The following PLPP3 variants were observed in gnomAD, a reference collection of about 807,000 sequenced individuals.
The protein encoded by PLPP3 is PAP2 beta.
In PLPP3, 6 loss-of-function variants were observed where a neutral mutation model predicts 29.6. That is an observed-to-expected ratio of 0.20 (90% CI 0.11 to 0.40). PLPP3 has a LOEUF of 0.40. Ranked by LOEUF, PLPP3 falls within the 10% of genes least tolerant of loss-of-function variation. The pLI, the probability that PLPP3 is intolerant of heterozygous loss-of-function variation, is 1.00. For missense variants in PLPP3, 308 were observed against 407.7 expected (o/e 0.76, Z 2.11); for synonymous variants, 152 against 159.7 (o/e 0.95, Z 0.36).
chr1:56,571,774 T>C lies in PLPP3; in HGVS notation c.139+7104A>G, dbSNP rs1557517779. Among the ~76,000 whole-genome samples the C allele has an allele frequency of 2.1e-5, 3 of 141,562 alleles. No individual in the cohort carries two copies. The South Asian group carries it at 6.2e-4, about 29-fold the overall frequency. 92.9% of individuals were successfully genotyped at this position (141,562 alleles called of 152,430 possible). A position where few individuals can be genotyped will look rare whatever the true frequency, so the allele number is the denominator to read the frequency against. On this transcript the variant is annotated intron_variant, in intron 1 of 5. Transcript: ENST00000371250. ...ACTGCTTTGATTGCATTAATTGCAA[T>C]CAATTAATTGCAAATTGAAAAGTGG... is the stretch of plus-strand genomic sequence containing the variant.
chr1:56,573,336 T>G (rs1469740725), intron 1 of PLPP3, among the ~76,000 whole-genome samples: 1 of 152,186 alleles, frequency 6.6e-6, no homozygotes, highest in Non-Finnish European at 1.5e-5. Context: ...TCGGAAGAAT[T>G]CTTGCAAACT....
chr1:56,516,719 G>A (rs1027188262), intron 4 of PLPP3, among the ~76,000 whole-genome samples: 4 of 150,356 alleles, frequency 2.7e-5, no homozygotes, highest in African/African-American at 4.9e-5. Flanking sequence ...TCTCTGCTAC[G>A]TACAGCTTGT....
At chr1:56,521,217 A>G (rs1645817112) in intron 4 of PLPP3, among the ~76,000 whole-genome samples, 1 of 144,944 alleles carries the variant, frequency 6.9e-6, no homozygotes, top group African/African-American at 2.5e-5. Flanking sequence ...CCTGAGTGAC[A>G]GAATGAGACT....
chr1:56,574,780 T>C (rs1043366926), intron 1 of PLPP3, among the ~76,000 whole-genome samples: 8 of 152,220 alleles, frequency 5.3e-5, no homozygotes, highest in Non-Finnish European at 1.2e-4. Context: ...AATTCTTTGG[T>C]CATACATATA....
intron 1 of PLPP3, among the ~76,000 whole-genome samples, chr1:56,547,255 A>T (rs948917305): frequency 6.6e-6 from 1 of 152,212 alleles, no homozygotes; most frequent in Admixed American, 6.5e-5. Flanking sequence ...TGTCCCTGAT[A>T]CAAGGAAGAA....
chr1:56,524,013 A>G lies in PLPP3; in HGVS notation c.576-133T>C. The stretch of plus-strand genomic sequence containing the variant: ...CCCTGTTCATTTTTGCATCCTTGGT[A>G]GTGCTTTGGACCCATGCCTGGAACA... On this transcript the variant is annotated intron_variant, in intron 3 of 5. Coordinates refer to ENST00000371250, the MANE Select transcript of PLPP3 (RefSeq NM_003713.5). This position sits in a 1 kb window ranked among gnomAD's most constrained non-coding sequence, Gnocchi z 4.3. The G allele has an allele frequency of 5.5e-6, 6 of 1,087,202 alleles. No homozygotes were observed. The highest frequency in any genetic ancestry group is 8.1e-6 in the Non-Finnish European group (6 of 744,392). The allele number at this position is 1,087,202 out of a possible 1,614,324, so 67.3% of individuals were successfully genotyped here.
chr1:56,577,617 G>A (rs1646244723), intron 1 of PLPP3, among the ~76,000 whole-genome samples: 1 of 152,194 alleles, frequency 6.6e-6, no homozygotes, highest in African/African-American at 2.4e-5. Flanking sequence ...TCTCTGGTCT[G>A]CAAAATCTGC....
chr1:56,537,709 T>C (rs1294591708), intron 1 of PLPP3, among the ~76,000 whole-genome samples: 1 of 151,546 alleles, frequency 6.6e-6, no homozygotes, highest in Non-Finnish European at 1.5e-5. Flanking sequence ...TCTAGCACAG[T>C]GCCTGGCACA....
At chr1:56,556,188 G>A (rs908909452) in intron 1 of PLPP3, among the ~76,000 whole-genome samples, 1 of 152,194 alleles carries the variant, frequency 6.6e-6, no homozygotes, top group Non-Finnish European at 1.5e-5. Flanking sequence ...GCACCTTAGA[G>A]TATGAAGTTA....
intron 1 of PLPP3, among the ~76,000 whole-genome samples, chr1:56,550,991 G>A (rs1646034351): frequency 6.6e-6 from 1 of 152,150 alleles, no homozygotes; most frequent in Non-Finnish European, 1.5e-5. Flanking sequence ...GAATACTTGA[G>A]TGTGGCTTTG....
chr1:56,568,404 C>G (rs1646175818), intron 1 of PLPP3, among the ~76,000 whole-genome samples: 1 of 152,084 alleles, frequency 6.6e-6, no homozygotes, highest in Non-Finnish European at 1.5e-5. Context: ...GATTTATAGC[C>G]CACTTATTTT....
rs1646257966 is a variant in PLPP3 at position 56,578,968 on chromosome 1, CGTTCTT to C, written c.43_48del (p.Lys15_Asn16del). On this transcript the variant is annotated inframe_deletion, in exon 1 of 6. Transcript: ENST00000371250. The stretch of plus-strand genomic sequence containing the variant: ...TTGTTGTTGAGCGCCGGGCTGCCGC[CGTTCTT>C]GCTCTCCGGGACGATCGCTTTGTCG... 6.2e-7 allele frequency: 1 copy of C among 1,602,332 alleles called. No individual in the cohort carries two copies.
At chr1:56,572,094 G>T (rs926265792) in intron 1 of PLPP3, among the ~76,000 whole-genome samples, 1 of 112,912 alleles carries the variant, frequency 8.9e-6, no homozygotes, top group Non-Finnish European at 1.6e-5. Context: ...CTATCACCCA[G>T]CCTGGAGTGC....
At chr1:56,509,486 T>C (rs1645725558) in intron 5 of PLPP3, among the ~76,000 whole-genome samples, 1 of 152,114 alleles carries the variant, frequency 6.6e-6, no homozygotes, top group Non-Finnish European at 1.5e-5. Flanking sequence ...TTAAGTTACC[T>C]CTCTGAGCTA....
At chr1:56,517,500 G>T (rs1456917151) in intron 4 of PLPP3, among the ~76,000 whole-genome samples, 1 of 152,190 alleles carries the variant, frequency 6.6e-6, no homozygotes, top group African/African-American at 2.4e-5. Flanking sequence ...TACATTACCT[G>T]CAATTGTCAC....
intron 1 of PLPP3, among the ~76,000 whole-genome samples, chr1:56,554,835 A>T (rs1027467030): frequency 3.3e-5 from 5 of 152,120 alleles, no homozygotes; most frequent in Admixed American, 3.3e-4. Context: ...TTTTCTTAGC[A>T]CTCCACATTG....
At chr1:56,578,494 T>C (rs937488883) in intron 1 of PLPP3, among the ~76,000 whole-genome samples, 24 of 152,096 alleles carry the variant, frequency 1.6e-4, no homozygotes, top group Non-Finnish European at 3.2e-4. Context: ...TTCACTCGGA[T>C]GGAGGGCGAC....
intron 1 of PLPP3, among the ~76,000 whole-genome samples, chr1:56,548,311 C>A (rs1039369928): frequency 5.3e-5 from 8 of 152,216 alleles, no homozygotes; most frequent in Admixed American, 4.6e-4. Flanking sequence ...TCAATACAAA[C>A]CTTGAAAGCT....
chr1:56,520,549 C>G (rs1175473075), intron 4 of PLPP3, among the ~76,000 whole-genome samples: 2 of 152,042 alleles, frequency 1.3e-5, no homozygotes, highest in African/African-American at 4.8e-5. Flanking sequence ...GAAATTGTGT[C>G]CTTTCAATTT....
Sources: gnomAD v4.1 joint callset for allele counts (sites outside exome capture counted in the v4.1 genomes callset) on GRCh38, gnomAD v4.1.1 for gene constraint, Gnocchi (gnomAD v3.1) non-coding constraint, MANE v1.5 for transcripts, NCBI Gene and HGNC (gene_info 2026-07-23, HGNC 2026-07-21) for gene names.